The following NDST3 variants were observed in gnomAD, a reference collection of about 807,000 sequenced individuals.
NDST3 encodes the protein N-deacetylase and N-sulfotransferase 3.
A neutral mutation model predicts 96.1 loss-of-function variants in NDST3; 58 were observed. That is an observed-to-expected ratio of 0.60 (90% CI 0.49 to 0.75). The LOEUF (loss-of-function observed/expected upper bound fraction) is 0.75. NDST3 is among the 30% of genes least tolerant of loss of function. The probability of loss-of-function intolerance (pLI) is 0.00; values close to 1 mark genes in which losing one functional copy is unlikely to be tolerated. For synonymous variants in NDST3, 333 were observed against 359.7 expected (o/e 0.93, Z 0.84); for missense variants, 788 against 1,034.2 (o/e 0.76, Z 3.27).
chr4:118,040,881 A>T (rs13134916), intron 1 of NDST3, among the ~76,000 whole-genome samples: 6 of 141,554 alleles, frequency 4.2e-5, no homozygotes, highest in Admixed American at 2.2e-4. Flanking sequence ...ATATATATAT[A>T]TTTATATATA....
chr4:118,194,655 A>C, intron 6 of NDST3: 2 of 670,146 alleles, frequency 3.0e-6, no homozygotes, highest in East Asian at 2.8e-5. Flanking sequence ...GACCTTCAGC[A>C]TGCCTTCCTC....
intron 2 of NDST3, among the ~76,000 whole-genome samples, chr4:118,091,953 C>T (rs1168033243): frequency 6.6e-6 from 1 of 151,446 alleles, no homozygotes; most frequent in South Asian, 2.1e-4. Context: ...AATTGGGATA[C>T]AGCATTAAAA....
At chr4:118,130,158 G>C (rs990734278) in intron 4 of NDST3, among the ~76,000 whole-genome samples, 20 of 151,996 alleles carry the variant, frequency 1.3e-4, no homozygotes, top group Non-Finnish European at 5.9e-5. Context: ...TGTGTCTTTT[G>C]ATCAGAGAGT....
At chr4:118,244,386 C>T (rs1364064843) in intron 12 of NDST3, among the ~76,000 whole-genome samples, 3 of 152,130 alleles carry the variant, frequency 2.0e-5, no homozygotes, top group Admixed American at 6.5e-5. Flanking sequence ...GTCAGAAATG[C>T]CATTTATACC....
chr4:118,218,333 G>C (rs758197498), intron 6 of NDST3, among the ~76,000 whole-genome samples: 24 of 152,078 alleles, frequency 1.6e-4, no homozygotes, highest in Non-Finnish European at 1.8e-4. Context: ...ACATCAAAAA[G>C]CTTATCCACC....
chr4:118,055,812 A>G (rs567075902), intron 2 of NDST3, among the ~76,000 whole-genome samples: 4 of 152,010 alleles, frequency 2.6e-5, no homozygotes, highest in South Asian at 2.1e-4. Context: ...AGAGCAAAAA[A>G]TACATCTTGA....
intron 6 of NDST3, among the ~76,000 whole-genome samples, chr4:118,173,261 T>C (rs1736073220): frequency 6.6e-6 from 1 of 151,754 alleles, no homozygotes; most frequent in South Asian, 2.1e-4. Context: ...GAAACTGAGG[T>C]TCAAAGAAGT....
At chr4:118,075,083 G>A (rs1215560229) in intron 2 of NDST3, among the ~76,000 whole-genome samples, 3 of 151,556 alleles carry the variant, frequency 2.0e-5, no homozygotes, top group Non-Finnish European at 2.9e-5. Context: ...CCTGATGTGT[G>A]ATGTTCCCCG....
chr4:118,099,886 G>A (rs149805988), intron 2 of NDST3, among the ~76,000 whole-genome samples: 1 of 152,162 alleles, frequency 6.6e-6, no homozygotes, highest in East Asian at 1.9e-4. Flanking sequence ...GTCAGAGAGA[G>A]ACTAAGGTGG....
intron 1 of NDST3, among the ~76,000 whole-genome samples, chr4:118,035,946 G>A (rs928822470): frequency 1.3e-5 from 2 of 151,960 alleles, no homozygotes; most frequent in African/African-American, 4.8e-5. Context: ...GTTTGGTGGA[G>A]TTATATATAC....
rs761206340 is a variant in NDST3 at position 118,054,873 on chromosome 4, G to A, written c.963G>A (p.Met321Ile). 3 of 1,610,898 alleles carry A rather than the reference G, an allele frequency of 1.9e-6. No individual in the cohort carries two copies. In the Admixed American group the frequency reaches 5.0e-5, roughly 27 times the overall value. Reference protein sequence around the residue: ...DIFVGKEGTRMNTNDVKALLD... With the variant: ...DIFVGKEGTRINTNDVKALLD... Reference sequence around the variant, plus strand: ...TTGTGGGAAAAGAGGGAACAAGAATGAACACCAATGATGTAAAGGTAAGGC... The same window carrying A: ...TTGTGGGAAAAGAGGGAACAAGAATAAACACCAATGATGTAAAGGTAAGGC... The change falls in exon 2 of 14, where the codon ATG (methionine) becomes ATA (isoleucine). Residue 321 changes from methionine (M) to isoleucine (I), a missense_variant. Met to Ile is a conservative substitution (Grantham distance 10). Around this residue, in one of 3 missense-constraint regions of NDST3, gnomAD observed 490 missense variants for 708.8 expected, o/e 0.69. Coordinates refer to ENST00000296499, the MANE Select transcript of NDST3 (RefSeq NM_004784.3).
Position 118,257,722 on chromosome 4 carries a change from T to C in NDST3, c.*2010T>C, listed in dbSNP as rs941761501. ...TAAAGCATATGCTAATTTTTAAATA[T>C]ACTATTAGCAGAAAAAATTGGAAAA... On this transcript the variant is annotated 3_prime_UTR_variant, in exon 14 of 14. Transcript: ENST00000296499. 4 of 152,318 alleles carry C rather than the reference T, an allele frequency of 2.6e-5. No homozygotes were observed. In the East Asian group the frequency reaches 5.8e-4, roughly 22 times the overall value. 9.4% of individuals were successfully genotyped at this position (152,318 alleles called of 1,614,324 possible).
chr4:118,134,821 C>T (rs1732938332), intron 4 of NDST3, among the ~76,000 whole-genome samples: 1 of 152,134 alleles, frequency 6.6e-6, no homozygotes, highest in Non-Finnish European at 1.5e-5. Context: ...CCATGTCCTC[C>T]ACTAGAAAAA....
intron 2 of NDST3, 78 bp from the exon 3 acceptor site, chr4:118,104,940 A>T: frequency 8.8e-7 from 1 of 1,139,974 alleles, no homozygotes; most frequent in South Asian, 1.3e-5. Context: ...TATCCTCTGA[A>T]TGCAAAAAGG....
intron 2 of NDST3, among the ~76,000 whole-genome samples, chr4:118,085,562 C>T (rs1728354787): frequency 1.3e-5 from 2 of 152,132 alleles, no homozygotes; most frequent in Admixed American, 6.6e-5. Context: ...ATGCTGCAAC[C>T]TTTTGTTGAT....
intron 6 of NDST3, among the ~76,000 whole-genome samples, chr4:118,191,833 T>C (rs1737328687): frequency 6.6e-6 from 1 of 152,214 alleles, no homozygotes; most frequent in South Asian, 2.1e-4. Flanking sequence ...ACGGTAAGCC[T>C]ATTTTAAGTT....
chr4:118,088,952 G>A (rs1728652102), intron 2 of NDST3, among the ~76,000 whole-genome samples: 2 of 151,966 alleles, frequency 1.3e-5, no homozygotes, highest in Middle Eastern at 3.4e-3. Context: ...AGGTTTCTAG[G>A]TCTACTCAAT....
chr4:118,171,811 C>G (rs1735971744), intron 6 of NDST3, among the ~76,000 whole-genome samples: 1 of 152,130 alleles, frequency 6.6e-6, no homozygotes, highest in Non-Finnish European at 1.5e-5. Context: ...TTTGCCACAT[C>G]TTTTCTTGCA....
At chr4:118,178,241 G>T (rs1177569403) in intron 6 of NDST3, among the ~76,000 whole-genome samples, 1 of 151,938 alleles carries the variant, frequency 6.6e-6, no homozygotes, top group Admixed American at 6.6e-5. Context: ...GAACTCAGTA[G>T]TGTCAAGCAC....
Sources: allele counts gnomAD v4.1 joint callset (sites outside exome capture counted in the v4.1 genomes callset), GRCh38; gene constraint gnomAD v4.1.1; regional missense constraint gnomAD v4.1.1; transcripts MANE v1.5; gene names NCBI Gene and HGNC (gene_info 2026-07-23, HGNC 2026-07-21).